CLPB: variants seen among roughly 807,000 people sequenced by gnomAD.
CLPB encodes the protein mitochondrial disaggregase.
A neutral mutation model predicts 78.4 loss-of-function variants in CLPB; 40 were observed. The ratio of observed to expected loss-of-function variants is 0.51; its 90% CI spans 0.40 to 0.66. The LOEUF (loss-of-function observed/expected upper bound fraction) is 0.66. Among genes scored for constraint, CLPB ranks in the 30% least tolerant of loss-of-function variants. The probability of loss-of-function intolerance (pLI) is 0.00; values close to 1 mark genes in which losing one functional copy is unlikely to be tolerated. For synonymous variants in CLPB, 333 were observed against 348.0 expected, an observed-to-expected ratio of 0.96 and a Z score of 0.48; for missense variants, 780 against 886.9, an observed-to-expected ratio of 0.88 and a Z score of 1.53.
In CLPB at chr11:72,293,397, C is replaced by T. The variant is rs1381501637; in HGVS notation, c.2004G>A (p.Leu668=). ...TGGTGTTGCACACCTTCTCAGGGTG[C>T]AGTGGTGCCCGGATGTCCAGTCTGC... is the stretch of plus-strand genomic sequence containing the variant. ...KTRRLDIRAP[L]HPEKVCNTI is the part of the protein sequence containing the mutation. Residue 668 remains leucine (L), a synonymous_variant, in exon 16 of 16, where the codon CTG becomes CTA. Coordinates refer to ENST00000538039, the MANE Select transcript of CLPB (RefSeq NM_001258392.3). The T allele has an allele frequency of 3.7e-6, 6 of 1,614,096 alleles. No individual in the cohort carries two copies. The highest frequency in any genetic ancestry group is 1.7e-6 in the Non-Finnish European group (2 of 1,179,978).
rs149670407 is a variant in CLPB at position 72,313,487 on chromosome 11, A to G, written c.988+3619T>C. 4.1e-4 allele frequency among the ~76,000 whole-genome samples: 62 copies of G among 152,352 alleles called. 1 individual carries two copies. The highest frequency in any genetic ancestry group is 1.4e-3 in the African/African-American group (59 of 41,596). On this transcript the variant is annotated intron_variant, in intron 7 of 15. Coordinates refer to ENST00000538039, the MANE Select transcript of CLPB (RefSeq NM_001258392.3). ...CAGGCTTCATTCACTGAGTTCAACA[A>G]CTTTTTATACACCTGTGTGCCCAAC...
chr11:72,322,944 A>C (rs929844759), intron 6 of CLPB, among the ~76,000 whole-genome samples: 1 of 152,226 alleles, frequency 6.6e-6, no homozygotes, highest in African/African-American at 2.4e-5. Context: ...GATTAAGTAC[A>C]TTCAAGCAAG....
chr11:72,434,507 G>A lies in CLPB; in HGVS notation c.-33C>T, dbSNP rs1422499140. ...GCTGCTTCGATAACCCCGTGGTGCC[G>A]GCCCCTGTGCTGACCACGTCCAACA... On this transcript the variant is annotated 5_prime_UTR_variant, in exon 1 of 16. Coordinates refer to ENST00000538039, the MANE Select transcript of CLPB (RefSeq NM_001258392.3). 7 of 1,520,304 alleles carry A rather than the reference G, an allele frequency of 4.6e-6. No homozygotes were observed. Among genetic ancestry groups the A allele is most frequent in the South Asian group, 2.6e-5 (2 of 76,684 alleles). 94.2% of individuals were successfully genotyped at this position (1,520,304 alleles called of 1,614,324 possible).
At position 72,290,562 on chromosome 11, in the gene CLPB, G is replaced by A. The variant is rs559566275; in HGVS notation, c.*2805C>T. 4.3e-4 allele frequency: 65 copies of A among 152,222 alleles called. 1 individual carries two copies. The highest frequency in any genetic ancestry group is 1.5e-3 in the African/African-American group (62 of 41,544). 9.4% of individuals were successfully genotyped at this position (152,222 alleles called of 1,614,324 possible). ...TAAGACATTCACATAGCTTCAAAGT[G>A]GAAGATTCTTGTTAATTTCAAAGGG... On this transcript the variant is annotated 3_prime_UTR_variant, in exon 16 of 16. Coordinates refer to ENST00000538039, the MANE Select transcript of CLPB (RefSeq NM_001258392.3).
intron 1 of CLPB, 36 bp downstream of exon 1, chr11:72,434,036 G>A: frequency 6.3e-7 from 1 of 1,596,850 alleles, no homozygotes; most frequent in Middle Eastern, 1.7e-4. Context: ...CAATCTTCCC[G>A]CCTCTCCCTT....
intron 1 of CLPB, among the ~76,000 whole-genome samples, chr11:72,431,939 CAT>C (rs1156654776): frequency 1.3e-5 from 2 of 152,144 alleles, no homozygotes; most frequent in African/African-American, 4.8e-5. Flanking sequence ...GTTCATAGGC[CAT>C]AAAGTCCAGT....
chr11:72,409,089 C>T (rs1855798675), intron 2 of CLPB, among the ~76,000 whole-genome samples: 2 of 152,198 alleles, frequency 1.3e-5, no homozygotes, highest in South Asian at 4.1e-4. Context: ...ATGCTTAATT[C>T]AGGCTGCCAC....
In CLPB at chr11:72,329,351, T is replaced by C. The variant is rs956220579; in HGVS notation, c.873+356A>G. Among the ~76,000 whole-genome samples the C allele has an allele frequency of 2.0e-5, 3 of 152,116 alleles. No individual in the cohort carries two copies. The East Asian group carries it at 5.8e-4, about 29-fold the overall frequency. On this transcript the variant is annotated intron_variant, in intron 6 of 15. Transcript: ENST00000538039. ...AGGCCTAGGAAAAATATGACCAAAA[T>C]CTTTGCTTGGGCTAAGGATTTTGTC...
intron 5 of CLPB, among the ~76,000 whole-genome samples, chr11:72,332,215 GTT>G (rs1398093093): frequency 1.3e-5 from 2 of 151,868 alleles, no homozygotes; most frequent in African/African-American, 4.8e-5. Context: ...GGGCACAGTG[GTT>G]CATGCCTGTA....
intron 8 of CLPB, 149 bp from the exon 9 acceptor site, chr11:72,307,403 G>A (rs1430943480): frequency 3.0e-6 from 2 of 676,482 alleles, no homozygotes; most frequent in Admixed American, 2.7e-5. Flanking sequence ...CTCTCCCACA[G>A]TCACCTAGGG....
chr11:72,323,958 T>C (rs1244271819), intron 6 of CLPB, among the ~76,000 whole-genome samples: 1 of 152,038 alleles, frequency 6.6e-6, no homozygotes, highest in Non-Finnish European at 1.5e-5. Flanking sequence ...ATTATATATA[T>C]ATCCTTATAT....
chr11:72,375,888 T>G (rs1449315433), intron 4 of CLPB, among the ~76,000 whole-genome samples: 1 of 152,226 alleles, frequency 6.6e-6, no homozygotes, highest in African/African-American at 2.4e-5. Context: ...TCTCTTGATA[T>G]TCACAACAAT....
intron 10 of CLPB, 53 bp downstream of exon 10, chr11:72,302,251 C>A: frequency 8.3e-6 from 13 of 1,572,354 alleles, no homozygotes; most frequent in South Asian, 4.4e-5. Flanking sequence ...CCCCGGCAGT[C>A]ATGCTGACAA....
intron 11 of CLPB, among the ~76,000 whole-genome samples, chr11:72,295,893 CTCTCTGGCA>C (rs1949543117): frequency 6.6e-6 from 1 of 152,254 alleles, no homozygotes; most frequent in African/African-American, 2.4e-5. Flanking sequence ...GCTGCAGTTG[CTCTCTGGCA>C]TCTCTTGGGG....
At chr11:72,300,723 G>A (rs981483283) in intron 11 of CLPB, among the ~76,000 whole-genome samples, 4 of 152,110 alleles carry the variant, frequency 2.6e-5, no homozygotes, top group African/African-American at 9.7e-5. Flanking sequence ...CCACCTTTTT[G>A]TTTTCCTAGG....
chr11:72,397,376 T>G (rs1009356752), intron 3 of CLPB, among the ~76,000 whole-genome samples: 2 of 152,250 alleles, frequency 1.3e-5, no homozygotes, highest in African/African-American at 2.4e-5. Context: ...TTTATTTCTC[T>G]TAGACAAATA....
chr11:72,411,655 G>C (rs751972502), intron 2 of CLPB: 1 of 152,092 alleles, frequency 6.6e-6, no homozygotes, highest in Non-Finnish European at 1.5e-5. Flanking sequence ...GTCCCAGAAA[G>C]GGACACAGGG....
At chr11:72,362,030 T>A (rs1325249139) in intron 4 of CLPB, among the ~76,000 whole-genome samples, 1 of 152,192 alleles carries the variant, frequency 6.6e-6, no homozygotes, top group African/African-American at 2.4e-5. Context: ...TAATAAGGAA[T>A]GTCCAGAGGA....
At position 72,339,226 on chromosome 11, in the gene CLPB, A is replaced by G. The variant is rs553144918; in HGVS notation, c.776-9422T>C. On this transcript the variant is annotated intron_variant, in intron 5 of 15. Transcript: ENST00000538039. Reference sequence around the variant, plus strand: ...GCAAATATGATGCAAGTTAGTGGAAATAAATAGGAAGTCATAGGTTTGGAA... The same window carrying G: ...GCAAATATGATGCAAGTTAGTGGAAGTAAATAGGAAGTCATAGGTTTGGAA... Among the ~76,000 whole-genome samples the G allele has an allele frequency of 4.7e-4, 71 of 152,372 alleles. No homozygotes were observed. The South Asian group carries it at 0.015, about 32-fold the overall frequency.
Sources: gnomAD v4.1 joint callset for allele counts (sites outside exome capture counted in the v4.1 genomes callset) on GRCh38, gnomAD v4.1.1 for gene constraint, MANE v1.5 for transcripts, NCBI Gene and HGNC (gene_info 2026-07-23, HGNC 2026-07-21) for gene names.